MTMR1: variants seen among roughly 807,000 people sequenced by gnomAD.
MTMR1 encodes phosphatidylinositol-3-phosphate phosphatase MTMR1.
Under a neutral mutation model 51.6 loss-of-function variants are expected in MTMR1, and 17 were observed. That is an observed-to-expected ratio of 0.33 (90% CI 0.23 to 0.49). MTMR1 has a LOEUF of 0.49. Ranked by LOEUF, MTMR1 falls within the 20% of genes least tolerant of loss-of-function variation. The pLI, the probability that MTMR1 is intolerant of heterozygous loss-of-function variation, is 0.99. For synonymous variants in MTMR1, 201 were observed against 205.6 expected, an observed-to-expected ratio of 0.98 and a Z score of 0.19; for missense variants, 386 against 526.9, an observed-to-expected ratio of 0.73 and a Z score of 2.62.
Position 150,755,884 on chromosome X carries a change from T to C in MTMR1, c.1857+19T>C, listed in dbSNP as rs2042891577. 41 of 1,160,103 alleles carry C rather than the reference T, an allele frequency of 3.5e-5. No individual in the cohort carries two copies. Among genetic ancestry groups the C allele is most frequent in the Non-Finnish European group, 4.6e-5 (40 of 862,726 alleles). On this transcript the variant is annotated intron_variant, in intron 15 of 15. Transcript: ENST00000445323. ...ACCTCAGGTATCTTTTTGTTTTTCT[T>C]TTCATGAATGAGAGAGTTTGCCTTT...
Position 150,733,483 on chromosome X carries a change from C to T in MTMR1, c.1080+753C>T, listed in dbSNP as rs190761103. On this transcript the variant is annotated intron_variant, in intron 10 of 15. Transcript: ENST00000445323. Reference sequence around the variant, plus strand: ...TAAGGTTGAGACTGGATTTCTATCCCATTGTATGGTTGACATCTCTGCTTG... The same window carrying T: ...TAAGGTTGAGACTGGATTTCTATCCTATTGTATGGTTGACATCTCTGCTTG... 1.4e-3 allele frequency among the ~76,000 whole-genome samples: 160 copies of T among 110,700 alleles called. 2 individuals carry two copies. Among genetic ancestry groups the T allele is most frequent in the African/African-American group, 4.5e-3 (136 of 30,485 alleles).
Position 150,748,757 on chromosome X carries a change from G to A in MTMR1, c.1567-1973G>A, listed in dbSNP as rs1464474117. Among the ~76,000 whole-genome samples the A allele has an allele frequency of 3.6e-5, 4 of 110,962 alleles. No homozygotes were observed. In the East Asian group the frequency reaches 1.1e-3, roughly 31 times the overall value. On this transcript the variant is annotated intron_variant, in intron 13 of 15. Transcript: ENST00000445323. ...AGTGGGAGGGATCACTTGAGCCTGG[G>A]ACGTTGAGGCTGCAGTGAACCACAG... is the stretch of plus-strand genomic sequence containing the variant.
Position 150,744,362 on chromosome X carries a change from G to A in MTMR1, c.1475G>A (p.Arg492Gln). The A allele has an allele frequency of 8.3e-7, 1 of 1,206,538 alleles. No individual in the cohort carries two copies. The highest frequency in any genetic ancestry group is 1.1e-6 in the Non-Finnish European group (1 of 891,551). ...WISFGHRFALRVGHGNDNHAD... is the reference protein window; with the variant it reads ...WISFGHRFALQVGHGNDNHAD... ...GTTTAACCTTCTGTTTCTGTTCAGC[G>A]AGTGGGCCATGGTAATGACAACCAT... is the stretch of plus-strand genomic sequence containing the variant. The change falls in exon 13 of 16, where the codon CGA (arginine) becomes CAA (glutamine). Residue 492 changes from arginine to glutamine, a missense_variant and splice_region_variant. Coordinates refer to ENST00000445323, the MANE Select transcript of MTMR1 (RefSeq NM_001306144.3).
At chrX:150,732,830 A>G in intron 10 of MTMR1, 100 bp downstream of exon 10, 1 of 845,793 alleles carries the variant, frequency 1.2e-6, no homozygotes, top group Non-Finnish European at 1.6e-6. Context: ...TCACCACCTG[A>G]AGTTAGAATC....
intron 3 of MTMR1, chrX:150,712,880 A>T: frequency 1.3e-6 from 1 of 773,821 alleles, no homozygotes. Context: ...ACTATTTTTT[A>T]AAATACAGAT....
rs2042707085 is a variant in MTMR1 at position 150,750,839 on chromosome X, A to C, written c.1676A>C (p.Lys559Thr). The C allele has an allele frequency of 6.8e-6, 8 of 1,183,198 alleles. No homozygotes were observed. The highest frequency in any genetic ancestry group is 9.2e-6 in the Non-Finnish European group (8 of 872,124). Residue 559 changes from lysine (K) to threonine (T), a missense_variant, in exon 14 of 16, where the codon AAA (lysine) becomes ACA (threonine). Transcript: ENST00000445323. ...FLCNCEQQRF[K>T]EDVYTKTISL... ...TGCAACTGTGAACAGCAGCGATTCA[A>C]AGAGGTGAGTATGCTGCATCCTTGT...
intron 3 of MTMR1, among the ~76,000 whole-genome samples, chrX:150,713,897 A>G (rs895776318): frequency 1.0e-4 from 9 of 89,167 alleles, no homozygotes; most frequent in African/African-American, 2.8e-4. Context: ...AGAAACAGAC[A>G]TGTATATATA....
rs782307885 is a variant in MTMR1 at position 150,755,634 on chromosome X, A to C, written c.1681-55A>C. 30 of 939,595 alleles carry C rather than the reference A, an allele frequency of 3.2e-5. 1 individual carries two copies. Among genetic ancestry groups the C allele is most frequent in the Admixed American group, 1.8e-4 (5 of 28,447 alleles). The allele number at this position is 939,595 out of a possible 1,213,427, so 77.4% of individuals were successfully genotyped here. On this transcript the variant is annotated intron_variant, in intron 14 of 15. Coordinates refer to ENST00000445323, the MANE Select transcript of MTMR1 (RefSeq NM_001306144.3). ...CAAGTCCTTTTCTCGGTGTAATACTAATTCTTGATGATATGAAGAAAAGTT... is the reference window on the plus strand; with the variant it reads ...CAAGTCCTTTTCTCGGTGTAATACTCATTCTTGATGATATGAAGAAAAGTT...
intron 6 of MTMR1, among the ~76,000 whole-genome samples, chrX:150,729,303 G>A (rs1159599615): frequency 9.0e-6 from 1 of 111,439 alleles, no homozygotes; most frequent in Admixed American, 9.6e-5. Context: ...TAAATAGCAA[G>A]TCAGCTCAGT....
At chrX:150,750,146 G>A (rs1177912463) in intron 13 of MTMR1, among the ~76,000 whole-genome samples, 1 of 111,307 alleles carries the variant, frequency 9.0e-6, no homozygotes, top group Non-Finnish European at 1.9e-5. Context: ...ATTCAGGGGT[G>A]TATGGTCATG....
chrX:150,759,123 C>G (rs1027717689), intron 15 of MTMR1, among the ~76,000 whole-genome samples: 1 of 112,657 alleles, frequency 8.9e-6, no homozygotes, highest in African/African-American at 3.2e-5. Context: ...TTTCTGACTT[C>G]AGGTGCATTA....
At chrX:150,713,800 T>A (rs782510403) in intron 3 of MTMR1, among the ~76,000 whole-genome samples, 14 of 111,833 alleles carry the variant, frequency 1.3e-4, no homozygotes, top group Non-Finnish European at 2.4e-4. Context: ...TTTAGCTGTT[T>A]CTTGGAAGTG....
chrX:150,736,714 C>T lies in MTMR1; in HGVS notation c.1200C>T (p.Tyr400=). 2 of 1,211,077 alleles carry T rather than the reference C, an allele frequency of 1.7e-6. No individual in the cohort carries two copies. Among genetic ancestry groups the T allele is most frequent in the Non-Finnish European group, 2.2e-6 (2 of 895,156 alleles). ...TACGCAAATTAAAAGAGATTGTGTACCCTTCGATCGATGAGGCGCGGTGGC... is the reference window on the plus strand; with the variant it reads ...TACGCAAATTAAAAGAGATTGTGTATCCTTCGATCGATGAGGCGCGGTGGC... The part of the protein sequence containing the change: ...ESLRKLKEIV[Y]PSIDEARWLS... Residue 400 remains tyrosine (Y), a synonymous_variant, in exon 11 of 16, where the codon TAC becomes TAT. Coordinates refer to ENST00000445323, the MANE Select transcript of MTMR1 (RefSeq NM_001306144.3).
chrX:150,749,722 T>C (rs1557417540), intron 13 of MTMR1, among the ~76,000 whole-genome samples: 1 of 112,455 alleles, frequency 8.9e-6, no homozygotes, highest in Admixed American at 9.4e-5. Context: ...ATTGATTTGT[T>C]TTGTAACATA....
intron 1 of MTMR1, among the ~76,000 whole-genome samples, chrX:150,698,470 T>A (rs1452886360): frequency 9.0e-6 from 1 of 111,017 alleles, no homozygotes; most frequent in East Asian, 2.8e-4. Context: ...GTACACTATT[T>A]TCTAGATTTA....
intron 13 of MTMR1, among the ~76,000 whole-genome samples, chrX:150,748,746 C>G (rs2042646164): frequency 2.7e-5 from 3 of 110,930 alleles, no homozygotes. Flanking sequence ...GGAGGGATCA[C>G]TTGAGCCTGG....
chrX:150,734,938 CA>C (rs782716932), intron 10 of MTMR1, among the ~76,000 whole-genome samples: 1 of 112,358 alleles, frequency 8.9e-6, no homozygotes, highest in African/African-American at 3.2e-5. Context: ...AGGATCTTTG[CA>C]GATGTATTAA....
Position 150,693,686 on chromosome X carries a change from G to T in MTMR1, c.146+10G>T. ...TGGAGACCCTGGACAGGTAAGCGGG[G>T]CCCGGGCTGCCCCGGCCTCCCGCGC... is the stretch of plus-strand genomic sequence containing the variant. On this transcript the variant is annotated intron_variant, in intron 1 of 15. Coordinates refer to ENST00000445323, the MANE Select transcript of MTMR1 (RefSeq NM_001306144.3). 1.3e-6 allele frequency: 1 copy of T among 756,618 alleles called. No homozygotes were observed. Among genetic ancestry groups the T allele is most frequent in the Non-Finnish European group, 1.6e-6 (1 of 641,459 alleles). 62.4% of individuals were successfully genotyped at this position (756,618 alleles called of 1,213,427 possible).
chrX:150,693,912 C>G (rs782343900), intron 1 of MTMR1, among the ~76,000 whole-genome samples: 5 of 111,234 alleles, frequency 4.5e-5, no homozygotes, highest in African/African-American at 1.6e-4. Flanking sequence ...ACTTCCGCCC[C>G]GAGAGCCCCA....
Sources: allele counts gnomAD v4.1 joint callset (sites outside exome capture counted in the v4.1 genomes callset), GRCh38; gene constraint gnomAD v4.1.1; transcripts MANE v1.5; gene names NCBI Gene and HGNC (gene_info 2026-07-23, HGNC 2026-07-21).